NDUFB1: variants seen among roughly 807,000 people sequenced by gnomAD.
The protein encoded by NDUFB1 is NADH:ubiquinone oxidoreductase subunit B1.
NDUFB1 carries 6 observed loss-of-function variants against 6.7 expected under a neutral mutation model. That is an observed-to-expected ratio of 0.89 (90% CI 0.49 to 1.76). The LOEUF is 1.76. Ranked by LOEUF, NDUFB1 falls within the 40% of genes most tolerant of loss-of-function variation. The pLI is 0.01. For missense variants in NDUFB1, 56 were observed against 71.0 expected (o/e 0.79, Z 0.76); for synonymous variants, 17 against 22.9 (o/e 0.74, Z 0.74).
intron 2 of NDUFB1, among the ~76,000 whole-genome samples, chr14:92,117,187 A>G (rs1273366094): frequency 6.6e-6 from 1 of 152,258 alleles, no homozygotes; most frequent in Admixed American, 6.5e-5. Context: ...ATATATGTGG[A>G]AGCTGTATAT....
chr14:92,116,338 T>A, intron 2 of NDUFB1, 109 bp from the exon 3 acceptor site: 2 of 946,094 alleles, frequency 2.1e-6, no homozygotes, highest in Non-Finnish European at 3.1e-6. Context: ...TTTCTTTTTT[T>A]TTTTTTTTTT....
At chr14:92,117,746 C>A in intron 1 of NDUFB1, 104 bp from the exon 2 acceptor site, 2 of 1,172,446 alleles carry the variant, frequency 1.7e-6, no homozygotes, top group Admixed American at 2.2e-5. Context: ...GCCTGTAATC[C>A]TAGCACTTTG....
intron 2 of NDUFB1, among the ~76,000 whole-genome samples, chr14:92,116,593 C>CA (rs560996740): frequency 1.6e-3 from 250 of 152,038 alleles, no homozygotes; most frequent in African/African-American, 5.6e-3. Flanking sequence ...CCTCGGCCTC[C>CA]CAAAGTGCTA....
rs745959877 is a variant in NDUFB1, at chr14:92,117,681, G to GTT, written c.-5-41_-5-40dup. ...AAATTATCAGAAATACAACTGCTTT[G>GTT]TTTTTTTTTTGAAATAGCTTTTAAA... On this transcript the variant is annotated intron_variant, in intron 1 of 2. Transcript: ENST00000605997. The GTT allele has an allele frequency of 3.7e-4, 466 of 1,276,562 alleles. 1 individual carries two copies. Among genetic ancestry groups the GTT allele is most frequent in the African/African-American group, 1.4e-3 (71 of 51,800 alleles). The allele number at this position is 1,276,562 out of a possible 1,614,324, so 79.1% of individuals were successfully genotyped here.
chr14:92,119,380 A>C (rs1431548038), intron 1 of NDUFB1, among the ~76,000 whole-genome samples: 1 of 152,174 alleles, frequency 6.6e-6, no homozygotes, highest in African/African-American at 2.4e-5. Flanking sequence ...CGTAATGTGA[A>C]ATAACTATTA....
At chr14:92,118,988 G>GAAAAAAAAGAAAGAA (rs2068734741) in intron 1 of NDUFB1, 1 of 347,554 alleles carries the variant, frequency 2.9e-6, no homozygotes. Context: ...AAAAAAGAAA[G>GAAAAAAAAGAAAGAA]AAAAAAAAAG....
chr14:92,116,624 C>T (rs549948431), intron 2 of NDUFB1, among the ~76,000 whole-genome samples: 3 of 152,016 alleles, frequency 2.0e-5, no homozygotes, highest in South Asian at 2.1e-4. Flanking sequence ...TGTGAGCCAC[C>T]GCGCCCGGTC....
At chr14:92,117,875 G>A (rs1332045767) in intron 1 of NDUFB1, 1 of 445,304 alleles carries the variant, frequency 2.2e-6, no homozygotes, top group Non-Finnish European at 4.1e-6. Context: ...GTGCGCGTCT[G>A]TTATCCCAGC....
At chr14:92,120,263 A>C (rs1178394551) in intron 1 of NDUFB1, 2 of 152,172 alleles carry the variant, frequency 1.3e-5, no homozygotes, top group Non-Finnish European at 2.9e-5. Context: ...AGTGCTTAGC[A>C]CTAAGCTGTG....
At chr14:92,116,866 T>G (rs1203528815) in intron 2 of NDUFB1, among the ~76,000 whole-genome samples, 2 of 152,226 alleles carry the variant, frequency 1.3e-5, no homozygotes, top group African/African-American at 4.8e-5. Flanking sequence ...TTTCTTGAAA[T>G]CCCTGATTTG....
At chr14:92,117,681 G>GT (rs745959877) in intron 1 of NDUFB1, 39 bp from the exon 2 acceptor site, 28,564 of 1,191,972 alleles carry the variant, frequency 0.024, 38 homozygotes, top group Non-Finnish European at 0.026. Flanking sequence ...CAACTGCTTT[G>GT]TTTTTTTTTT....
chr14:92,117,564 C>T lies in NDUFB1; in HGVS notation c.74G>A (p.Cys25Tyr), dbSNP rs1278980984. 6.2e-7 allele frequency: 1 copy of T among 1,613,920 alleles called. No homozygotes were observed. The highest frequency in any genetic ancestry group is 1.1e-5 in the South Asian group (1 of 91,070). Reference protein sequence around the residue: ...VLVPMGFVIGCYLDRKSDERL... With the variant: ...VLVPMGFVIGYYLDRKSDERL... Reference sequence around the variant, plus strand: ...TTCATCACTCTTTCTGTCTAAATAACATCCAATGACAAATCCCATAGGGAC... The same window carrying T: ...TTCATCACTCTTTCTGTCTAAATAATATCCAATGACAAATCCCATAGGGAC... Residue 25 changes from cysteine to tyrosine, a missense_variant, in exon 2 of 3, where the codon TGT becomes TAT. Transcript: ENST00000605997.
Position 92,121,681 on chromosome 14 carries a change from C to T in NDUFB1, c.-45G>A, listed in dbSNP as rs1431164325. On this transcript the variant is annotated 5_prime_UTR_variant, in exon 1 of 3. Transcript: ENST00000605997. The stretch of plus-strand genomic sequence containing the variant: ...CCTACAGCGACCCCGAGACCAAGGG[C>T]AACAGGGAACTCAACCCGCGCCAGT... The T allele has an allele frequency of 2.5e-6, 4 of 1,613,808 alleles. No individual in the cohort carries two copies. Among genetic ancestry groups the T allele is most frequent in the Non-Finnish European group, 3.4e-6 (4 of 1,179,964 alleles).
intron 1 of NDUFB1, among the ~76,000 whole-genome samples, chr14:92,119,894 T>A (rs1170357116): frequency 6.6e-6 from 1 of 152,088 alleles, no homozygotes; most frequent in Non-Finnish European, 1.5e-5. Context: ...TCTGAGAAGC[T>A]GGAGCTACGG....
At chr14:92,119,924 C>G (rs1162364417) in intron 1 of NDUFB1, among the ~76,000 whole-genome samples, 1 of 151,988 alleles carries the variant, frequency 6.6e-6, no homozygotes, top group Non-Finnish European at 1.5e-5. Context: ...TAAAAAAATT[C>G]TTTAAACATT....
rs547491040 is a variant in NDUFB1 at position 92,121,490 on chromosome 14, A to C, written c.-6+152T>G. ...CCATCCTCCACCCGAAGAAAACCCC[A>C]TTTTCCTTTCCCGTCACCTTCGTTC... On this transcript the variant is annotated intron_variant, in intron 1 of 2. Coordinates refer to ENST00000605997, the MANE Select transcript of NDUFB1 (RefSeq NM_004545.4). 4 of 1,178,508 alleles carry C rather than the reference A, an allele frequency of 3.4e-6. No homozygotes were observed. In the African/African-American group the frequency reaches 6.2e-5, roughly 18 times the overall value. 73.0% of individuals were successfully genotyped at this position (1,178,508 alleles called of 1,614,324 possible).
At chr14:92,120,977 T>A (rs925899325) in intron 1 of NDUFB1, among the ~76,000 whole-genome samples, 2 of 151,370 alleles carry the variant, frequency 1.3e-5, no homozygotes, top group Non-Finnish European at 2.9e-5. Flanking sequence ...CTGGCCAACA[T>A]AGTGAAACCC....
At chr14:92,119,446 C>G (rs1343601061) in intron 1 of NDUFB1, among the ~76,000 whole-genome samples, 1 of 152,150 alleles carries the variant, frequency 6.6e-6, no homozygotes, top group Non-Finnish European at 1.5e-5. Flanking sequence ...AAGTACAGAG[C>G]TGGAGTTCAA....
intron 1 of NDUFB1, 54 bp downstream of exon 1, chr14:92,121,588 G>A (rs1414844395): frequency 3.7e-6 from 6 of 1,608,222 alleles, no homozygotes; most frequent in Non-Finnish European, 5.1e-6. Context: ...AACCCTCCCC[G>A]CCACCGTCGC....
Sources: gnomAD v4.1 joint callset for allele counts (sites outside exome capture counted in the v4.1 genomes callset) on GRCh38, gnomAD v4.1.1 for gene constraint, MANE v1.5 for transcripts, NCBI Gene and HGNC (gene_info 2026-07-23, HGNC 2026-07-21) for gene names.